RPRD1B: variants seen among roughly 807,000 people sequenced by gnomAD.
RPRD1B encodes regulation of nuclear pre-mRNA domain-containing protein 1B.
RPRD1B carries 11 observed loss-of-function variants against 41.5 expected under a neutral mutation model. That is an observed-to-expected ratio of 0.27 (90% CI 0.17 to 0.44). The LOEUF (loss-of-function observed/expected upper bound fraction) is 0.44. Among genes scored for constraint, RPRD1B ranks in the 20% least tolerant of loss-of-function variants. RPRD1B has a pLI of 1.00. For missense variants in RPRD1B, 248 were observed against 389.9 expected (o/e 0.64, Z 3.06); for synonymous variants, 158 against 155.6 (o/e 1.02, Z -0.12).
intron 6 of RPRD1B, among the ~76,000 whole-genome samples, chr20:38,083,654 C>G (rs1321578394): frequency 6.6e-6 from 1 of 152,142 alleles, no homozygotes; most frequent in African/African-American, 2.4e-5. Flanking sequence ...CGTGGATGGC[C>G]GAACTGCTCC....
At chr20:38,049,043 G>A (rs1409399785) in intron 3 of RPRD1B, among the ~76,000 whole-genome samples, 1 of 152,026 alleles carries the variant, frequency 6.6e-6, no homozygotes, top group East Asian at 1.9e-4. Flanking sequence ...TCCGCCTCCT[G>A]GGTTCGAGCC....
In RPRD1B at chr20:38,052,658, A is replaced by G. The variant is rs149411248; in HGVS notation, c.415+4177A>G. 6.7e-3 allele frequency among the ~76,000 whole-genome samples: 1,012 copies of G among 151,842 alleles called. 14 individuals carry two copies. Among genetic ancestry groups the G allele is most frequent in the African/African-American group, 0.023 (942 of 41,364 alleles). Reference sequence around the variant, plus strand: ...TTTTTTTGTTGTTGTTAACTAGTCAATTGAAGCAGTGGGAGTAGAGAAGGA... The same window carrying G: ...TTTTTTTGTTGTTGTTAACTAGTCAGTTGAAGCAGTGGGAGTAGAGAAGGA... On this transcript the variant is annotated intron_variant, in intron 3 of 6. Transcript: ENST00000373433.
chr20:38,089,204 T>A (rs1415394792), intron 6 of RPRD1B, among the ~76,000 whole-genome samples: 1 of 152,186 alleles, frequency 6.6e-6, no homozygotes, highest in Non-Finnish European at 1.5e-5. Flanking sequence ...GACTCAGTTA[T>A]GGAATGAGGA....
intron 3 of RPRD1B, among the ~76,000 whole-genome samples, chr20:38,053,214 T>C (rs1048932695): frequency 5.9e-5 from 9 of 152,304 alleles, no homozygotes; most frequent in Non-Finnish European, 1.2e-4. Flanking sequence ...CTGACACATA[T>C]TCTAGTTTTT....
chr20:38,091,699 T>A lies in RPRD1B; in HGVS notation c.*1824T>A, dbSNP rs1374275719. The A allele has an allele frequency of 5.1e-6, 5 of 985,516 alleles. No homozygotes were observed. Among genetic ancestry groups the A allele is most frequent in the East Asian group, 1.1e-4 (1 of 8,826 alleles). 61.0% of individuals were successfully genotyped at this position (985,516 alleles called of 1,614,324 possible). A position where few individuals can be genotyped will look rare whatever the true frequency, so the allele number is the denominator to read the frequency against. On this transcript the variant is annotated 3_prime_UTR_variant, in exon 7 of 7. Coordinates refer to ENST00000373433, the MANE Select transcript of RPRD1B (RefSeq NM_021215.4). ...TTTGGAGCAGGCCCATCTGGGACAC[T>A]CTATGCTTTCACCAAGGAAGTGCGA...
At chr20:38,070,253 G>A in intron 6 of RPRD1B, 1 of 985,360 alleles carries the variant, frequency 1.0e-6, no homozygotes, top group Non-Finnish European at 1.2e-6. Flanking sequence ...GGCCTATGAT[G>A]TTGGCCCTTA....
At chr20:38,084,533 A>G (rs1320291038) in intron 6 of RPRD1B, among the ~76,000 whole-genome samples, 1 of 152,182 alleles carries the variant, frequency 6.6e-6, no homozygotes, top group Non-Finnish European at 1.5e-5. Flanking sequence ...GGTCATTGCA[A>G]TGCCAGCCCC....
In RPRD1B at chr20:38,091,808, G is replaced by T. The variant is rs2074614357; in HGVS notation, c.*1933G>T. ...ATGAAAATATAGCAGAATGGATTTA[G>T]CCCACTGCTCTGTTTTATCCAACTG... On this transcript the variant is annotated 3_prime_UTR_variant, in exon 7 of 7. Coordinates refer to ENST00000373433, the MANE Select transcript of RPRD1B (RefSeq NM_021215.4). The T allele has an allele frequency of 1.0e-6, 1 of 985,768 alleles. No homozygotes were observed. Among genetic ancestry groups the T allele is most frequent in the Non-Finnish European group, 1.2e-6 (1 of 829,890 alleles). The allele number at this position is 985,768 out of a possible 1,614,324, so 61.1% of individuals were successfully genotyped here. A position where few individuals can be genotyped will look rare whatever the true frequency, so the allele number is the denominator to read the frequency against.
intron 6 of RPRD1B, chr20:38,070,214 T>C: frequency 1.0e-6 from 1 of 985,426 alleles, no homozygotes. Context: ...TGTTTTTGAC[T>C]TTTGCTTCAG....
At chr20:38,056,778 A>G (rs1278144531) in intron 3 of RPRD1B, among the ~76,000 whole-genome samples, 2 of 152,240 alleles carry the variant, frequency 1.3e-5, no homozygotes, top group Non-Finnish European at 2.9e-5. Flanking sequence ...TGTGTCCAAT[A>G]TTTCTTTACT....
chr20:38,068,274 A>G (rs745574890), intron 6 of RPRD1B, among the ~76,000 whole-genome samples: 1 of 152,260 alleles, frequency 6.6e-6, no homozygotes. Context: ...GAACCAACGT[A>G]CAGAGTCTGA....
At chr20:38,083,057 G>A (rs947215603) in intron 6 of RPRD1B, among the ~76,000 whole-genome samples, 25 of 152,048 alleles carry the variant, frequency 1.6e-4, no homozygotes, top group African/African-American at 5.3e-4. Context: ...ACCAGTATTT[G>A]GCTTAAAATG....
intron 3 of RPRD1B, 125 bp downstream of exon 3, chr20:38,048,606 A>G: frequency 1.4e-6 from 2 of 1,451,522 alleles, no homozygotes; most frequent in Non-Finnish European, 9.1e-7. Context: ...GAGACAGATG[A>G]TCATGAATGA....
At chr20:38,034,609 C>G (rs545035368) in intron 1 of RPRD1B, among the ~76,000 whole-genome samples, 1 of 152,324 alleles carries the variant, frequency 6.6e-6, no homozygotes, top group African/African-American at 2.4e-5. Context: ...GCCTTTACTT[C>G]ATACCAGTCA....
At chr20:38,059,639 T>C (rs1397350534) in intron 5 of RPRD1B, 119 bp downstream of exon 5, 5 of 965,670 alleles carry the variant, frequency 5.2e-6, no homozygotes, top group Non-Finnish European at 7.3e-6. Context: ...TATTGGTTGC[T>C]CTACCATCTT....
At chr20:38,072,536 A>G (rs1159969896) in intron 6 of RPRD1B, among the ~76,000 whole-genome samples, 2 of 152,090 alleles carry the variant, frequency 1.3e-5, no homozygotes, top group Non-Finnish European at 1.5e-5. Context: ...CACCTTTTCC[A>G]TTTCTGCAAA....
At chr20:38,045,100 C>T (rs980538715) in intron 2 of RPRD1B, among the ~76,000 whole-genome samples, 3 of 152,120 alleles carry the variant, frequency 2.0e-5, no homozygotes, top group Non-Finnish European at 4.4e-5. Context: ...GTCAGTTTTG[C>T]TATCTGTATT....
intron 6 of RPRD1B, among the ~76,000 whole-genome samples, chr20:38,081,006 T>G (rs774069487): frequency 5.3e-5 from 8 of 152,244 alleles, no homozygotes; most frequent in Non-Finnish European, 1.0e-4. Context: ...GGCTTTTTAT[T>G]GGCTCAGAAT....
At chr20:38,058,310 C>T (rs2122723082) in intron 4 of RPRD1B, among the ~76,000 whole-genome samples, 1 of 152,202 alleles carries the variant, frequency 6.6e-6, no homozygotes, top group East Asian at 1.9e-4. Context: ...CATGGTCATG[C>T]TTAAAGCCTA....
Sources: allele counts gnomAD v4.1 joint callset (sites outside exome capture counted in the v4.1 genomes callset), GRCh38; gene constraint gnomAD v4.1.1; transcripts MANE v1.5; gene names NCBI Gene and HGNC (gene_info 2026-07-23, HGNC 2026-07-21).